The following CCSER1 variants were observed in gnomAD, a reference collection of about 807,000 sequenced individuals.
CCSER1 encodes the protein serine-rich coiled-coil domain-containing protein 1.
In CCSER1, 41 loss-of-function variants were observed where a neutral mutation model predicts 82.0. The ratio of observed to expected loss-of-function variants is 0.50; its 90% CI spans 0.39 to 0.65. The LOEUF (loss-of-function observed/expected upper bound fraction) is 0.65. CCSER1 is among the 30% of genes least tolerant of loss of function. The pLI, the probability that CCSER1 is intolerant of heterozygous loss-of-function variation, is 0.00. For missense variants in CCSER1, 1,119 were observed against 1,064.2 expected (o/e 1.05, Z -0.72); for synonymous variants, 414 against 383.9 (o/e 1.08, Z -0.92).
intron 10 of CCSER1, among the ~76,000 whole-genome samples, chr4:91,098,804 G>A (rs1403813110): frequency 2.6e-5 from 4 of 152,088 alleles, no homozygotes; most frequent in Non-Finnish European, 2.9e-5. Flanking sequence ...GCCTCCCAAA[G>A]TGCTGGGATT....
chr4:90,917,723 A>G (rs1302774656), intron 8 of CCSER1, among the ~76,000 whole-genome samples: 1 of 152,102 alleles, frequency 6.6e-6, no homozygotes, highest in African/African-American at 2.4e-5. Context: ...AAGAAAATAA[A>G]CACCTAAAAA....
chr4:91,017,846 A>C, intron 9 of CCSER1, among the ~76,000 whole-genome samples: 1 of 137,110 alleles, frequency 7.3e-6, no homozygotes, highest in African/African-American at 2.6e-5. Flanking sequence ...TGTGTGTATA[A>C]ATTTTTTTAA....
chr4:90,574,718 A>G (rs1780543085), intron 5 of CCSER1, among the ~76,000 whole-genome samples: 2 of 151,686 alleles, frequency 1.3e-5, no homozygotes, highest in Non-Finnish European at 1.5e-5. Flanking sequence ...CAAATTATAA[A>G]TAATAATAAT....
At chr4:91,166,635 AT>A (rs1346539113) in intron 10 of CCSER1, among the ~76,000 whole-genome samples, 1 of 152,172 alleles carries the variant, frequency 6.6e-6, no homozygotes, top group Non-Finnish European at 1.5e-5. Context: ...ATGTTTAGAT[AT>A]TTTAACTTTT....
At chr4:91,151,220 T>A (rs941968457) in intron 10 of CCSER1, among the ~76,000 whole-genome samples, 6 of 152,148 alleles carry the variant, frequency 3.9e-5, no homozygotes, top group Non-Finnish European at 8.8e-5. Flanking sequence ...GTCGAGGAAT[T>A]TATCCATTTC....
At chr4:90,889,684 T>G (rs1307784195) in intron 8 of CCSER1, among the ~76,000 whole-genome samples, 1 of 152,164 alleles carries the variant, frequency 6.6e-6, no homozygotes, top group Non-Finnish European at 1.5e-5. Flanking sequence ...AAATGGAATA[T>G]TATTCAGCCT....
At chr4:90,917,829 T>C (rs1455292529) in intron 8 of CCSER1, among the ~76,000 whole-genome samples, 1 of 152,132 alleles carries the variant, frequency 6.6e-6, no homozygotes, top group African/African-American at 2.4e-5. Flanking sequence ...CTCAGAAGGC[T>C]GTGAATTTTC....
chr4:91,381,537 G>A (rs184721380), intron 10 of CCSER1, among the ~76,000 whole-genome samples: 266 of 151,912 alleles, frequency 1.8e-3, no homozygotes, highest in Non-Finnish European at 3.0e-3. Context: ...TGATCAAATC[G>A]GCTACTAAAG....
chr4:91,461,557 C>T (rs1039712600), intron 10 of CCSER1, among the ~76,000 whole-genome samples: 7 of 152,118 alleles, frequency 4.6e-5, no homozygotes, highest in African/African-American at 1.7e-4. Context: ...CCTTTTATCA[C>T]TGTGGTATTA....
chr4:90,204,885 GTTC>G (rs1405797781), intron 1 of CCSER1, among the ~76,000 whole-genome samples: 2 of 152,110 alleles, frequency 1.3e-5, no homozygotes, highest in East Asian at 3.9e-4. Flanking sequence ...GAAGTTTGTA[GTTC>G]TTCTTTAAGA....
intron 10 of CCSER1, among the ~76,000 whole-genome samples, chr4:91,335,835 A>G (rs906580720): frequency 6.6e-6 from 1 of 152,114 alleles, no homozygotes; most frequent in African/African-American, 2.4e-5. Flanking sequence ...AGACAAAAAA[A>G]ATTGTTTATG....
intron 1 of CCSER1, among the ~76,000 whole-genome samples, chr4:90,153,597 A>G (rs1227584986): frequency 6.6e-6 from 1 of 151,980 alleles, no homozygotes; most frequent in African/African-American, 2.4e-5. Flanking sequence ...GTGAGATGGT[A>G]TCTCATTGTG....
At chr4:90,458,934 G>A (rs555565399) in intron 4 of CCSER1, among the ~76,000 whole-genome samples, 5 of 152,206 alleles carry the variant, frequency 3.3e-5, no homozygotes, top group South Asian at 2.1e-4. Context: ...AGAAAATGCC[G>A]ATAAAGTTTT....
At chr4:90,412,810 G>A (rs970339413) in intron 4 of CCSER1, among the ~76,000 whole-genome samples, 1 of 152,110 alleles carries the variant, frequency 6.6e-6, no homozygotes, top group Non-Finnish European at 1.5e-5. Context: ...ATACTGAATG[G>A]GGAAAAGTTG....
intron 9 of CCSER1, among the ~76,000 whole-genome samples, chr4:90,969,332 AAG>A (rs1734866015): frequency 2.6e-5 from 4 of 152,136 alleles, no homozygotes; most frequent in Admixed American, 2.0e-4. Context: ...TAACTTCAAA[AAG>A]AATATACCAA....
chr4:90,783,507 G>A (rs113926667), intron 7 of CCSER1, among the ~76,000 whole-genome samples: 3 of 152,094 alleles, frequency 2.0e-5, no homozygotes, highest in Non-Finnish European at 2.9e-5. Flanking sequence ...AGGGAATCCC[G>A]CACACTTTGA....
chr4:90,360,388 G>T (rs1745161954), intron 3 of CCSER1, among the ~76,000 whole-genome samples: 1 of 150,464 alleles, frequency 6.6e-6, no homozygotes, highest in South Asian at 2.1e-4. Context: ...AAATTAGCCG[G>T]GTGTGGTGGT....
rs770687196 is a variant in CCSER1, at chr4:91,008,510, A to G, written c.2173-77440A>G. 7.2e-5 allele frequency among the ~76,000 whole-genome samples: 11 copies of G among 152,158 alleles called. No individual in the cohort carries two copies. In the East Asian group the frequency reaches 1.9e-3, roughly 27 times the overall value. On this transcript the variant is annotated intron_variant, in intron 9 of 10. Transcript: ENST00000509176. ...TTGTAGTCTGTTTTATCTGACTTCA[A>G]TATAGTCACCCGTGCTCTCTTTTGA...
intron 8 of CCSER1, among the ~76,000 whole-genome samples, chr4:90,893,903 AT>A (rs1465059644): frequency 2.6e-5 from 4 of 151,818 alleles, no homozygotes; most frequent in South Asian, 2.1e-4. Flanking sequence ...TTATTCACAT[AT>A]TTTCATTTTA....
Sources: gnomAD v4.1 joint callset for allele counts (sites outside exome capture counted in the v4.1 genomes callset) on GRCh38, gnomAD v4.1.1 for gene constraint, MANE v1.5 for transcripts, NCBI Gene and HGNC (gene_info 2026-07-23, HGNC 2026-07-21) for gene names.